ARHGEF7: variants seen among roughly 807,000 people sequenced by gnomAD.
ARHGEF7 encodes PAK-interacting exchange factor beta.
ARHGEF7 carries 33 observed loss-of-function variants against 109.8 expected under a neutral mutation model. That is an observed-to-expected ratio of 0.30 (90% CI 0.23 to 0.40). The LOEUF (loss-of-function observed/expected upper bound fraction) is 0.40, where lower values mean the gene tolerates loss of function less well. Among genes scored for constraint, ARHGEF7 ranks in the 10% least tolerant of loss-of-function variants. The pLI is 1.00. For synonymous variants in ARHGEF7, 458 were observed against 424.6 expected (o/e 1.08, Z -0.97); for missense variants, 938 against 1,098.5 (o/e 0.85, Z 2.07).
intron 8 of ARHGEF7, among the ~76,000 whole-genome samples, chr13:111,251,028 A>G (rs1358576874): frequency 6.6e-6 from 1 of 152,168 alleles, no homozygotes; most frequent in African/African-American, 2.4e-5. Context: ...GCTGAGTGGC[A>G]TGATCTCCAG....
intron 2 of ARHGEF7, among the ~76,000 whole-genome samples, chr13:111,177,367 TC>T (rs1169018887): frequency 3.3e-5 from 5 of 152,228 alleles, no homozygotes; most frequent in African/African-American, 1.2e-4. Flanking sequence ...TCCACATTCT[TC>T]CTGTTGCAAA....
Position 111,266,859 on chromosome 13 carries a change from G to A in ARHGEF7, c.951-689G>A. The A allele has an allele frequency of 2.2e-6, 1 of 456,082 alleles. No individual in the cohort carries two copies. The highest frequency in any genetic ancestry group is 4.4e-6 in the Non-Finnish European group (1 of 226,812). 28.3% of individuals were successfully genotyped at this position (456,082 alleles called of 1,614,324 possible). On this transcript the variant is annotated intron_variant, in intron 8 of 21. Transcript: ENST00000646102. This position sits in a 1 kb window ranked among gnomAD's most constrained non-coding sequence, Gnocchi z 4.8. ...GCCCCTGCTCCGGGTTGTTGCTGTT[G>A]TCCTTCAGAAACTCTGAGGTCTGGA...
intron 2 of ARHGEF7, among the ~76,000 whole-genome samples, chr13:111,182,860 CCATA>C (rs1481526141): frequency 2.5e-4 from 38 of 152,042 alleles, no homozygotes; most frequent in Admixed American, 3.3e-4. Flanking sequence ...CTTCGAGTAC[CCATA>C]CAGCCAGTTT....
intron 19 of ARHGEF7, among the ~76,000 whole-genome samples, chr13:111,300,221 A>C (rs2093532414): frequency 6.6e-6 from 1 of 152,226 alleles, no homozygotes; most frequent in Non-Finnish European, 1.5e-5. Flanking sequence ...ATTTTAGGAA[A>C]TATAAAGTTT....
Position 111,268,253 on chromosome 13 carries a change from G to T in ARHGEF7, c.1073+583G>T, listed in dbSNP as rs137961063. Among the ~76,000 whole-genome samples the T allele has an allele frequency of 5.5e-3, 833 of 152,302 alleles. 5 individuals are homozygous for T. Among genetic ancestry groups the T allele is most frequent in the African/African-American group, 0.02 (812 of 41,552 alleles). ...GATCTCAGTCATTAGTGAGTGTTAA[G>T]AATTGATTTGTTTGAGGATTGGCTT... On this transcript the variant is annotated intron_variant, in intron 9 of 21. Transcript: ENST00000646102.
intron 21 of ARHGEF7, 36 bp downstream of exon 21, chr13:111,301,568 T>C (rs750748533): frequency 9.7e-6 from 15 of 1,538,982 alleles, no homozygotes; most frequent in Non-Finnish European, 1.3e-5. Flanking sequence ...TTTTTTTTCT[T>C]TTCAAATGGG....
At chr13:111,194,217 C>T (rs894313386) in intron 2 of ARHGEF7, among the ~76,000 whole-genome samples, 5 of 152,222 alleles carry the variant, frequency 3.3e-5, no homozygotes, top group African/African-American at 1.2e-4. Flanking sequence ...TTCCTGCTCT[C>T]TCTCTGATAT....
intron 1 of ARHGEF7, among the ~76,000 whole-genome samples, chr13:111,139,832 A>C (rs1303041966): frequency 6.6e-6 from 1 of 152,236 alleles, no homozygotes; most frequent in Non-Finnish European, 1.5e-5. Context: ...CTGGGAGAGC[A>C]CTGGGAAGCC....
chr13:111,129,633 C>T (rs1417028968), intron 1 of ARHGEF7, among the ~76,000 whole-genome samples: 3 of 152,142 alleles, frequency 2.0e-5, no homozygotes, highest in Non-Finnish European at 4.4e-5. Context: ...TCAACATTAT[C>T]AGTCATTAGG....
At chr13:111,118,986 C>G (rs1241993544) in intron 1 of ARHGEF7, among the ~76,000 whole-genome samples, 4 of 152,074 alleles carry the variant, frequency 2.6e-5, no homozygotes, top group Non-Finnish European at 5.9e-5. Context: ...GATGTGGAGG[C>G]ATTTGTCTCT....
intron 4 of ARHGEF7, among the ~76,000 whole-genome samples, chr13:111,216,824 AG>A (rs2083210231): frequency 6.6e-6 from 1 of 152,160 alleles, no homozygotes; most frequent in African/African-American, 2.4e-5. Context: ...GCGCTTTGGT[AG>A]TTCTGCATCT....
chr13:111,223,588 G>A (rs886574189), intron 5 of ARHGEF7, among the ~76,000 whole-genome samples: 1 of 152,102 alleles, frequency 6.6e-6, no homozygotes, highest in East Asian at 1.9e-4. Context: ...TCTTGTGGTC[G>A]GAGATGGAAT....
rs564370377 is a variant in ARHGEF7, at chr13:111,131,265, C to T, written c.165+15574C>T. On this transcript the variant is annotated intron_variant, in intron 1 of 21. Transcript: ENST00000646102. The surrounding 1 kb of genome is among the most constrained non-coding windows in gnomAD (Gnocchi z 4.4). The stretch of plus-strand genomic sequence containing the variant: ...GGCACCAAGGGAGCCCAGGAGGGTG[C>T]GGCGGCGGGCAGACAGGGGGACAGT... Among the ~76,000 whole-genome samples, 22 of 152,026 alleles carry T rather than the reference C, an allele frequency of 1.4e-4. No individual in the cohort carries two copies. The highest frequency in any genetic ancestry group is 4.6e-4 in the African/African-American group (19 of 41,456).
At chr13:111,152,102 A>G (rs2075920754) in intron 1 of ARHGEF7, among the ~76,000 whole-genome samples, 1 of 152,256 alleles carries the variant, frequency 6.6e-6, no homozygotes, top group Non-Finnish European at 1.5e-5. Context: ...TTGCCAAAAA[A>G]GAGTGTGTTT....
At chr13:111,280,914 G>GCTGTC in intron 15 of ARHGEF7, 1 of 366,600 alleles carries the variant, frequency 2.7e-6, no homozygotes, top group South Asian at 1.1e-4. Flanking sequence ...CAGTTCAGAG[G>GCTGTC]TGCTTGGGTG....
intron 2 of ARHGEF7, among the ~76,000 whole-genome samples, chr13:111,184,056 A>G (rs1187482679): frequency 6.6e-6 from 1 of 152,072 alleles, no homozygotes; most frequent in Non-Finnish European, 1.5e-5. Flanking sequence ...CCACCTGTCA[A>G]GGGCGGGACC....
chr13:111,266,844 C>G lies in ARHGEF7; in HGVS notation c.951-704C>G. ...GTTTTCAGCACACGTGCCCCTGCTC[C>G]GGGTTGTTGCTGTTGTCCTTCAGAA... is the stretch of plus-strand genomic sequence containing the variant. On this transcript the variant is annotated intron_variant, in intron 8 of 21. Coordinates refer to ENST00000646102, the MANE Select transcript of ARHGEF7 (RefSeq NM_001354046.2). The surrounding 1 kb of genome is among the most constrained non-coding windows in gnomAD (Gnocchi z 4.8). The G allele has an allele frequency of 2.2e-6, 1 of 456,030 alleles. No homozygotes were observed. 28.2% of individuals were successfully genotyped at this position (456,030 alleles called of 1,614,324 possible). A position where few individuals can be genotyped will look rare whatever the true frequency, so the allele number is the denominator to read the frequency against.
chr13:111,272,377 C>T lies in ARHGEF7; in HGVS notation c.1074-1437C>T, dbSNP rs1359652865. Among the ~76,000 whole-genome samples, 1 of 152,190 alleles carries T rather than the reference C, an allele frequency of 6.6e-6. No individual in the cohort carries two copies. Among genetic ancestry groups the T allele is most frequent in the Admixed American group, 6.5e-5 (1 of 15,276 alleles). On this transcript the variant is annotated intron_variant, in intron 9 of 21. Transcript: ENST00000646102. The surrounding 1 kb of genome is among the most constrained non-coding windows in gnomAD (Gnocchi z 5.2). ...TGTCCCCGAGACCTCTGGCAGTAGC[C>T]AGCTTGGCTGGGGTGGTGCGGTGGG...
chr13:111,264,366 C>A (rs2091401018), intron 8 of ARHGEF7, among the ~76,000 whole-genome samples: 1 of 152,098 alleles, frequency 6.6e-6, no homozygotes, highest in East Asian at 1.9e-4. Flanking sequence ...ATTTAGTTAA[C>A]CTTACTTGAA....
Sources: gnomAD v4.1 joint callset for allele counts (sites outside exome capture counted in the v4.1 genomes callset) on GRCh38, gnomAD v4.1.1 for gene constraint, Gnocchi (gnomAD v3.1) non-coding constraint, MANE v1.5 for transcripts, NCBI Gene and HGNC (gene_info 2026-07-23, HGNC 2026-07-21) for gene names.